The following TAFA4 variants were observed in gnomAD, a reference collection of about 807,000 sequenced individuals.
TAFA4 encodes the protein TAFA chemokine like family member 4.
Under a neutral mutation model 21.1 loss-of-function variants are expected in TAFA4, and 20 were observed. That is an observed-to-expected ratio of 0.95 (90% CI 0.67 to 1.38). TAFA4 has a LOEUF of 1.38. Among genes scored for constraint, TAFA4 ranks in the 40% most tolerant of loss-of-function variants. TAFA4 has a pLI of 0.00. For missense variants in TAFA4, 211 were observed against 180.9 expected (o/e 1.17, Z -0.95); for synonymous variants, 71 against 67.4 (o/e 1.05, Z -0.26).
At chr3:68,828,315 C>T (rs1470866378) in intron 3 of TAFA4, among the ~76,000 whole-genome samples, 1 of 152,128 alleles carries the variant, frequency 6.6e-6, no homozygotes, top group Non-Finnish European at 1.5e-5. Context: ...TAGCATAATG[C>T]CTCCAGCTTT....
intron 3 of TAFA4, among the ~76,000 whole-genome samples, chr3:68,787,481 A>G (rs1257654197): frequency 6.6e-6 from 1 of 152,212 alleles, no homozygotes; most frequent in Admixed American, 6.5e-5. Flanking sequence ...GCTAAATATA[A>G]TAAGCCTCTC....
At chr3:68,740,580 T>C (rs1204503877) in intron 4 of TAFA4, among the ~76,000 whole-genome samples, 2 of 152,208 alleles carry the variant, frequency 1.3e-5, no homozygotes, top group Non-Finnish European at 2.9e-5. Context: ...TTCTTTTATA[T>C]TTTGGATCTT....
chr3:68,922,481 A>C (rs911980301), intron 1 of TAFA4, among the ~76,000 whole-genome samples: 1 of 152,244 alleles, frequency 6.6e-6, no homozygotes, highest in East Asian at 1.9e-4. Flanking sequence ...AAAAAATTGC[A>C]ATCAGCATAA....
intron 3 of TAFA4, among the ~76,000 whole-genome samples, chr3:68,775,097 C>T (rs781321591): frequency 5.3e-5 from 8 of 152,096 alleles, no homozygotes; most frequent in Admixed American, 2.0e-4. Context: ...GGGGAAGAAA[C>T]GGTAGCTGCT....
intron 3 of TAFA4, among the ~76,000 whole-genome samples, chr3:68,769,836 G>T (rs1702920037): frequency 6.6e-6 from 1 of 152,080 alleles, no homozygotes; most frequent in Admixed American, 6.6e-5. Flanking sequence ...TAAGGGCAGG[G>T]AACACAACTC....
At chr3:68,781,552 C>A (rs1286458777) in intron 3 of TAFA4, among the ~76,000 whole-genome samples, 1 of 151,918 alleles carries the variant, frequency 6.6e-6, no homozygotes, top group East Asian at 1.9e-4. Context: ...AAACAAACTA[C>A]CAAAGCTCAT....
intron 3 of TAFA4, among the ~76,000 whole-genome samples, chr3:68,819,615 C>T (rs557454361): frequency 6.6e-6 from 1 of 152,234 alleles, no homozygotes; most frequent in South Asian, 2.1e-4. Flanking sequence ...GTAAGAAAAC[C>T]TATAAGCCTG....
chr3:68,885,595 A>C (rs570940593), intron 1 of TAFA4, among the ~76,000 whole-genome samples: 1 of 152,346 alleles, frequency 6.6e-6, no homozygotes, highest in Non-Finnish European at 1.5e-5. Flanking sequence ...GAGGGTCCCA[A>C]ATCATTTGAA....
chr3:68,746,449 A>G (rs999812313), intron 4 of TAFA4, among the ~76,000 whole-genome samples: 3 of 152,236 alleles, frequency 2.0e-5, no homozygotes, highest in Admixed American at 6.5e-5. Flanking sequence ...CAGAAAAATT[A>G]AGAAAACATC....
chr3:68,922,786 GA>G (rs2090071306), intron 1 of TAFA4, among the ~76,000 whole-genome samples: 1 of 152,114 alleles, frequency 6.6e-6, no homozygotes, highest in South Asian at 2.1e-4. Context: ...TTCCTTTCCT[GA>G]TTAATACTTC....
chr3:68,785,719 G>A (rs187102438), intron 3 of TAFA4, among the ~76,000 whole-genome samples: 1 of 152,370 alleles, frequency 6.6e-6, no homozygotes, highest in Non-Finnish European at 1.5e-5. Flanking sequence ...CTCCCACAGT[G>A]CAGCGGCAGG....
chr3:68,931,020 G>A lies in TAFA4; in HGVS notation c.-123+1220C>T, dbSNP rs528452678. Among the ~76,000 whole-genome samples the A allele has an allele frequency of 3.3e-5, 5 of 152,302 alleles. No individual in the cohort carries two copies. In the East Asian group the frequency reaches 9.7e-4, roughly 29 times the overall value. On this transcript the variant is annotated intron_variant, in intron 1 of 5. Coordinates refer to ENST00000295569, the MANE Select transcript of TAFA4 (RefSeq NM_182522.5). ...TCTAGAGGGGGCCAAACGAAGATGC[G>A]TGTGATTAGGAAGCTAGGCCATCAG...
chr3:68,914,711 T>C (rs945276388), intron 1 of TAFA4, among the ~76,000 whole-genome samples: 1 of 152,156 alleles, frequency 6.6e-6, no homozygotes, highest in Non-Finnish European at 1.5e-5. Context: ...TTAGTGACGT[T>C]TGGACTTCAC....
At chr3:68,914,078 G>A (rs766003241) in intron 1 of TAFA4, among the ~76,000 whole-genome samples, 1 of 152,176 alleles carries the variant, frequency 6.6e-6, no homozygotes, top group African/African-American at 2.4e-5. Flanking sequence ...AAACATGTAT[G>A]AGAATGTTCA....
chr3:68,798,616 TTTG>T (rs1320025582), intron 3 of TAFA4, among the ~76,000 whole-genome samples: 2 of 152,198 alleles, frequency 1.3e-5, no homozygotes, highest in Non-Finnish European at 2.9e-5. Context: ...TATAAAATCA[TTTG>T]TTGTTTAGAT....
chr3:68,783,297 G>A lies in TAFA4; in HGVS notation c.131-30279C>T, dbSNP rs543510319. Among the ~76,000 whole-genome samples the A allele has an allele frequency of 2.8e-3, 424 of 152,206 alleles. 3 individuals carry two copies. The highest frequency in any genetic ancestry group is 0.017 in the Middle Eastern group (5 of 294). ...GCCAGTGAAAATCAGGCAAGAAAAA[G>A]AAATAAAAAGCAAATAAACCTATTT... On this transcript the variant is annotated intron_variant, in intron 3 of 5. Transcript: ENST00000295569.
chr3:68,756,893 T>C (rs1461599263), intron 3 of TAFA4, among the ~76,000 whole-genome samples: 1 of 152,174 alleles, frequency 6.6e-6, no homozygotes, highest in Non-Finnish European at 1.5e-5. Context: ...TAGCACTGAG[T>C]GAGCAGAAAA....
intron 4 of TAFA4, among the ~76,000 whole-genome samples, chr3:68,747,174 A>G (rs188814541): frequency 6.6e-6 from 1 of 152,308 alleles, no homozygotes; most frequent in Non-Finnish European, 1.5e-5. Flanking sequence ...CCTCTATTTT[A>G]TGTCTTCCTT....
At chr3:68,813,353 G>A (rs116157822) in intron 3 of TAFA4, among the ~76,000 whole-genome samples, 12,799 of 152,014 alleles carry the variant, frequency 0.084, 648 homozygotes, top group African/African-American at 0.13. Flanking sequence ...GAGACACAGA[G>A]AACCCTTCAA....
Sources: gnomAD v4.1 joint callset for allele counts (sites outside exome capture counted in the v4.1 genomes callset) on GRCh38, gnomAD v4.1.1 for gene constraint, MANE v1.5 for transcripts, NCBI Gene and HGNC (gene_info 2026-07-23, HGNC 2026-07-21) for gene names.